The following MGMT variants were observed in gnomAD, a reference collection of about 807,000 sequenced individuals.
The protein encoded by MGMT is O-6-methylguanine-DNA methyltransferase.
In MGMT, 14 loss-of-function variants were observed where a neutral mutation model predicts 15.9. The ratio of observed to expected loss-of-function variants is 0.88; its 90% CI spans 0.58 to 1.37. The LOEUF is 1.37. Among genes scored for constraint, MGMT ranks in the 40% most tolerant of loss-of-function variants. The pLI is 0.00. For missense variants in MGMT, 282 were observed against 268.1 expected (o/e 1.05, Z -0.36); for synonymous variants, 130 against 118.2 (o/e 1.10, Z -0.65).
chr10:129,744,814 G>C lies in MGMT; in HGVS notation c.275-14388G>C, dbSNP rs139945899. ...TTGGCCAGGTTGAAGTAGATGCCGG[G>C]TGGGGATCTGTAGGCCCTGGTTGTG... On this transcript the variant is annotated intron_variant, in intron 3 of 4. Coordinates refer to ENST00000651593, the MANE Select transcript of MGMT (RefSeq NM_002412.5). Among the ~76,000 whole-genome samples the C allele has an allele frequency of 2.5e-3, 376 of 152,372 alleles. 3 individuals carry two copies. The highest frequency in any genetic ancestry group is 8.3e-3 in the African/African-American group (346 of 41,590).
chr10:129,472,034 C>A (rs763371874), intron 1 of MGMT, among the ~76,000 whole-genome samples: 1 of 152,198 alleles, frequency 6.6e-6, no homozygotes, highest in Non-Finnish European at 1.5e-5. Flanking sequence ...CAAACACACG[C>A]GAAGCACGGG....
At chr10:129,719,819 G>A (rs910809705) in intron 3 of MGMT, among the ~76,000 whole-genome samples, 1 of 152,194 alleles carries the variant, frequency 6.6e-6, no homozygotes, top group South Asian at 2.1e-4. Context: ...CTGATTATCT[G>A]TCTGTAAAGT....
chr10:129,500,033 G>C (rs977230048), intron 1 of MGMT, among the ~76,000 whole-genome samples: 23 of 152,138 alleles, frequency 1.5e-4, no homozygotes, highest in African/African-American at 5.1e-4. Context: ...TAATAGGTTA[G>C]GTGTTTCCTA....
chr10:129,471,436 A>T (rs1845229818), intron 1 of MGMT, among the ~76,000 whole-genome samples: 1 of 152,034 alleles, frequency 6.6e-6, no homozygotes, highest in Non-Finnish European at 1.5e-5. Flanking sequence ...GCTACATTGT[A>T]CTTCCCAGTC....
chr10:129,627,680 T>C (rs1003376013), intron 2 of MGMT, among the ~76,000 whole-genome samples: 6 of 152,224 alleles, frequency 3.9e-5, no homozygotes, highest in African/African-American at 1.2e-4. Flanking sequence ...TTAGCCTTTT[T>C]CCACCATGCT....
chr10:129,698,295 A>G (rs1360321086), intron 2 of MGMT, among the ~76,000 whole-genome samples: 2 of 152,220 alleles, frequency 1.3e-5, no homozygotes, highest in African/African-American at 2.4e-5. Flanking sequence ...CAGATGCCCC[A>G]TTTGAAGCCC....
chr10:129,664,982 G>A (rs755042276), intron 2 of MGMT, among the ~76,000 whole-genome samples: 4 of 152,078 alleles, frequency 2.6e-5, no homozygotes, highest in Non-Finnish European at 4.4e-5. Flanking sequence ...AGTCCATTGC[G>A]GGGGAAAATG....
chr10:129,519,454 T>G (rs1481185875), intron 1 of MGMT, among the ~76,000 whole-genome samples: 2 of 152,198 alleles, frequency 1.3e-5, no homozygotes, highest in African/African-American at 4.8e-5. Flanking sequence ...GAGCATCGGA[T>G]TAATCATTTG....
intron 1 of MGMT, among the ~76,000 whole-genome samples, chr10:129,529,967 C>CGT (rs1400247390): frequency 3.3e-5 from 5 of 152,144 alleles, no homozygotes; most frequent in Admixed American, 1.3e-4. Flanking sequence ...GTGGCACTAC[C>CGT]GTGGCTCACT....
intron 1 of MGMT, among the ~76,000 whole-genome samples, chr10:129,495,951 G>T (rs938904130): frequency 8.5e-5 from 13 of 152,198 alleles, no homozygotes; most frequent in African/African-American, 2.9e-4. Flanking sequence ...GCATGCAGCT[G>T]ACAAGATTGA....
rs1848977892 is a variant in MGMT at position 129,769,539 on chromosome 10, A to G, written c.*2542A>G. The G allele has an allele frequency of 6.7e-6, 1 of 150,070 alleles. No individual in the cohort carries two copies. Among genetic ancestry groups the G allele is most frequent in the Non-Finnish European group, 1.5e-5 (1 of 67,794 alleles). 9.3% of individuals were successfully genotyped at this position (150,070 alleles called of 1,614,324 possible). On this transcript the variant is annotated 3_prime_UTR_variant, in exon 5 of 5. Transcript: ENST00000651593. ...CCGACACCGAGACCCGCCGTGCACG[A>G]CAGCCACCTCGCAGCCACTCAGACC...
intron 2 of MGMT, among the ~76,000 whole-genome samples, chr10:129,657,735 T>TC (rs1014750479): frequency 1.0e-5 from 1 of 99,036 alleles, no homozygotes; most frequent in Non-Finnish European, 2.1e-5. Context: ...ACACCCCCTC[T>TC]CCCCCAAGGA....
chr10:129,562,995 T>C (rs1846297852), intron 2 of MGMT, among the ~76,000 whole-genome samples: 1 of 152,136 alleles, frequency 6.6e-6, no homozygotes, highest in Non-Finnish European at 1.5e-5. Flanking sequence ...TGCGTCTCAG[T>C]ACAGTATTGA....
intron 2 of MGMT, among the ~76,000 whole-genome samples, chr10:129,634,970 A>G (rs1051691465): frequency 6.6e-6 from 1 of 152,206 alleles, no homozygotes; most frequent in African/African-American, 2.4e-5. Flanking sequence ...GGATACAGTC[A>G]CAGTTAAATT....
At chr10:129,620,006 C>T (rs1564739249) in intron 2 of MGMT, among the ~76,000 whole-genome samples, 1 of 152,216 alleles carries the variant, frequency 6.6e-6, no homozygotes, top group Non-Finnish European at 1.5e-5. Context: ...AGATAGCAGG[C>T]ACTAAATTTC....
intron 2 of MGMT, among the ~76,000 whole-genome samples, chr10:129,585,879 T>G (rs1156941730): frequency 6.6e-6 from 1 of 152,126 alleles, no homozygotes; most frequent in Non-Finnish European, 1.5e-5. Context: ...TATAACAACA[T>G]GCCAGCATCA....
intron 1 of MGMT, among the ~76,000 whole-genome samples, chr10:129,493,383 C>T (rs1337257953): frequency 1.3e-5 from 2 of 152,168 alleles, no homozygotes; most frequent in African/African-American, 4.8e-5. Flanking sequence ...CCAGCCCTGG[C>T]TTACTCTCCT....
intron 2 of MGMT, among the ~76,000 whole-genome samples, chr10:129,677,293 A>C (rs1049836412): frequency 3.3e-5 from 5 of 151,992 alleles, no homozygotes; most frequent in African/African-American, 1.2e-4. Flanking sequence ...TATTATTTAT[A>C]ATTATTTTTA....
rs185063136 is a variant in MGMT, at chr10:129,753,522, T to A, written c.275-5680T>A. On this transcript the variant is annotated intron_variant, in intron 3 of 4. Transcript: ENST00000651593. ...CTATTTTAAATACTTTTTTTTCTGT[T>A]GTTTGGATGATTTTTTGTTAACTTG... Among the ~76,000 whole-genome samples the A allele has an allele frequency of 8.1e-3, 1,239 of 152,322 alleles. 13 individuals are homozygous for A. The highest frequency in any genetic ancestry group is 0.027 in the African/African-American group (1,126 of 41,588).
Sources: allele counts gnomAD v4.1 joint callset (sites outside exome capture counted in the v4.1 genomes callset), GRCh38; gene constraint gnomAD v4.1.1; transcripts MANE v1.5; gene names NCBI Gene and HGNC (gene_info 2026-07-23, HGNC 2026-07-21).